The following MYO1A variants were observed in gnomAD, a reference collection of about 807,000 sequenced individuals.
MYO1A encodes unconventional myosin-Ia.
In MYO1A, 127 loss-of-function variants were observed where a neutral mutation model predicts 138.5. That is an observed-to-expected ratio of 0.92 (90% confidence interval 0.79 to 1.06). The LOEUF is 1.06. Among genes scored for constraint, MYO1A ranks in the 50% least tolerant of loss-of-function variants. The pLI, the probability that MYO1A is intolerant of heterozygous loss-of-function variation, is 0.00. For synonymous variants in MYO1A, 477 were observed against 497.5 expected, an observed-to-expected ratio of 0.96 and a Z score of 0.55; for missense variants, 1,211 against 1,288.8, an observed-to-expected ratio of 0.94 and a Z score of 0.92.
intron 14 of MYO1A, 54 bp downstream of exon 14, chr12:57,041,130 T>C: frequency 7.5e-7 from 1 of 1,331,314 alleles, no homozygotes; most frequent in Non-Finnish European, 1.1e-6. Flanking sequence ...AAGGAAGCTC[T>C]GGCATATGCC....
At position 57,048,032 on chromosome 12, in the gene MYO1A, C is replaced by A; in HGVS notation, c.187G>T (p.Ala63Ser). Reference protein sequence around the residue: ...QLPIYGPEFIAKYQDYTFYEL... With the variant: ...QLPIYGPEFISKYQDYTFYEL... ...TAGAAAGTATAGTCTTGATATTTGG[C>A]AATGAACTCTGGCCCATAGATGGGA... Residue 63 changes from alanine (A) to serine (S), a missense_variant, in exon 3 of 28, where the codon GCC (alanine) becomes TCC (serine). Transcript: ENST00000300119. 3 of 1,614,144 alleles carry A rather than the reference C, an allele frequency of 1.9e-6. No individual in the cohort carries two copies. The highest frequency in any genetic ancestry group is 2.5e-6 in the Non-Finnish European group (3 of 1,180,006).
At chr12:57,042,885 G>T (rs568393956) in intron 12 of MYO1A, among the ~76,000 whole-genome samples, 187 bp downstream of exon 12, 1 of 152,258 alleles carries the variant, frequency 6.6e-6, no homozygotes, top group South Asian at 2.1e-4. Flanking sequence ...GTAAGTAGAT[G>T]ATATATCCAG....
rs372726839 is a variant in MYO1A, at chr12:57,037,109, G to T, written c.2056-18C>A. 1.2e-6 allele frequency: 2 copies of T among 1,613,720 alleles called. No homozygotes were observed. Among genetic ancestry groups the T allele is most frequent in the Non-Finnish European group, 8.5e-7 (1 of 1,179,980 alleles). On this transcript the variant is annotated intron_variant, in intron 19 of 27. Transcript: ENST00000300119. ...TAGAAAAGCTGTGGAGAGGTGGAAG[G>T]GGGTGACAGAGAGACTGGCTCAGGG...
chr12:57,036,645 A>G (rs574437922), intron 21 of MYO1A, 127 bp downstream of exon 21: 900 of 1,198,172 alleles, frequency 7.5e-4, no homozygotes, highest in South Asian at 1.5e-3. Flanking sequence ...CCACCCACAC[A>G]TGGACCGGCT....
At chr12:57,034,294 A>G (rs916742395) in intron 22 of MYO1A, among the ~76,000 whole-genome samples, 7 of 152,212 alleles carry the variant, frequency 4.6e-5, no homozygotes, top group Non-Finnish European at 7.3e-5. Flanking sequence ...AAAATGGGAG[A>G]AAGAAAAGAG....
chr12:57,031,047 T>C lies in MYO1A; in HGVS notation c.2477A>G (p.Gln826Arg). Residue 826 changes from glutamine (Q) to arginine (R), a missense_variant, in exon 23 of 28, where the codon CAG (glutamine) becomes CGG (arginine). By Grantham distance (43) the Gln-to-Arg change is conservative (BLOSUM62 1). Transcript: ENST00000300119. Reference protein sequence around the residue: ...ANQELQQLFYQWKCKRFRDQL... With the variant: ...ANQELQQLFYRWKCKRFRDQL... ...TGCCTGGGCTCCACTTGCCTTCCAC[T>C]GGTAGAAGAGCTGCTGCAGCTCCTG... The C allele has an allele frequency of 6.2e-7, 1 of 1,613,836 alleles. No homozygotes were observed. The highest frequency in any genetic ancestry group is 8.5e-7 in the Non-Finnish European group (1 of 1,179,938).
At chr12:57,044,382 T>A (rs2031002090) in intron 8 of MYO1A, among the ~76,000 whole-genome samples, 173 bp from the exon 9 acceptor site, 1 of 152,184 alleles carries the variant, frequency 6.6e-6, no homozygotes, top group Non-Finnish European at 1.5e-5. Flanking sequence ...ATTCCTGTGA[T>A]GATAGACTAA....
intron 23 of MYO1A, among the ~76,000 whole-genome samples, chr12:57,030,570 G>A (rs372453372): frequency 1.3e-3 from 199 of 152,248 alleles, no homozygotes; most frequent in African/African-American, 4.6e-3. Context: ...AGCTCTCAGG[G>A]CAAGGCTTAG....
intron 22 of MYO1A, among the ~76,000 whole-genome samples, chr12:57,033,510 C>T (rs2136438089): frequency 6.6e-6 from 1 of 152,284 alleles, no homozygotes; most frequent in East Asian, 1.9e-4. Context: ...GTATGAGCCA[C>T]CACACCCACC....
chr12:57,043,277 G>A lies in MYO1A; in HGVS notation c.974C>T (p.Ala325Val). Residue 325 changes from alanine (A) to valine (V), a missense_variant, in exon 11 of 28, where the codon GCC becomes GTC. By Grantham distance (64) the Ala-to-Val change is moderately conservative. Transcript: ENST00000300119. Reference protein sequence around the residue: ...RALCSRTMETAKEKVVTALNV... With the variant: ...RALCSRTMETVKEKVVTALNV... ...CAGTGCAGTGACCACCTTTTCCTTG[G>A]CTGTTTCCATGGTCCTCGAGCACAA... is the stretch of plus-strand genomic sequence containing the variant. The A allele has an allele frequency of 6.2e-7, 1 of 1,614,140 alleles. No homozygotes were observed. Among genetic ancestry groups the A allele is most frequent in the Non-Finnish European group, 8.5e-7 (1 of 1,180,016 alleles).
intron 19 of MYO1A, 84 bp downstream of exon 19, chr12:57,037,464 C>T (rs957968164): frequency 9.2e-6 from 11 of 1,198,762 alleles, no homozygotes; most frequent in Non-Finnish European, 1.4e-5. Context: ...CCAGGTTATA[C>T]ACGCTCCCTC....
chr12:57,028,792 T>G lies in MYO1A; in HGVS notation c.3095A>C (p.Lys1032Thr), dbSNP rs77915386. The G allele has an allele frequency of 8.3e-4, 1,339 of 1,614,070 alleles. 16 individuals carry two copies. In the African/African-American group the frequency reaches 0.016, roughly 19 times the overall value. ...GGDNSKLRYKKKGSHCLEVTV... is the reference protein window; with the variant it reads ...GGDNSKLRYKTKGSHCLEVTV... ...CACCTCCAAGCAATGACTCCCCTTT[T>G]TTTTGTAGCGTAGCTTGCTGTTGTC... The change falls in exon 28 of 28, where the codon AAA becomes ACA. Residue 1032 changes from lysine (K) to threonine (T), a missense_variant. Coordinates refer to ENST00000300119, the MANE Select transcript of MYO1A (RefSeq NM_005379.4).
chr12:57,049,003 G>T (rs1037658445), intron 1 of MYO1A, among the ~76,000 whole-genome samples: 4 of 152,258 alleles, frequency 2.6e-5, no homozygotes, highest in African/African-American at 9.6e-5. Context: ...AAATGAAAGT[G>T]GGGTTTGCTT....
At chr12:57,029,051 C>T (rs1014853296) in intron 27 of MYO1A, 81 bp downstream of exon 27, 17 of 1,612,556 alleles carry the variant, frequency 1.1e-5, no homozygotes, top group East Asian at 4.5e-5. Flanking sequence ...CTACATGCTT[C>T]GCTTTCTGAT....
Position 57,046,941 on chromosome 12 carries a change from CAG to C in MYO1A, c.478-17_478-16del, listed in dbSNP as rs140243106. ...ATGTATTTTCCCTTCAGAGAGAGAC[CAG>C]AGAGAGAGACTTAGCTTCTTCCTCT... On this transcript the variant is annotated splice_polypyrimidine_tract_variant and intron_variant, in intron 6 of 27. Coordinates refer to ENST00000300119, the MANE Select transcript of MYO1A (RefSeq NM_005379.4). The C allele has an allele frequency of 8.6e-4, 1,384 of 1,613,656 alleles. 9 individuals carry two copies. The highest frequency in any genetic ancestry group is 7.7e-3 in the African/African-American group (579 of 74,990).
chr12:57,036,666 G>C (rs2030562840), intron 21 of MYO1A, 106 bp downstream of exon 21: 2 of 1,348,624 alleles, frequency 1.5e-6, no homozygotes, highest in Non-Finnish European at 2.1e-6. Flanking sequence ...GATACACAGA[G>C]GTGCGGCCTG....
At chr12:57,040,723 C>T (rs2136449560) in intron 14 of MYO1A, among the ~76,000 whole-genome samples, 1 of 152,274 alleles carries the variant, frequency 6.6e-6, no homozygotes, top group East Asian at 1.9e-4. Context: ...TTTTCTAACA[C>T]TTAGCCATAG....
chr12:57,036,488 G>C (rs2030552987), intron 21 of MYO1A, 107 bp from the exon 22 acceptor site: 1 of 1,170,558 alleles, frequency 8.5e-7, no homozygotes, highest in South Asian at 1.2e-5. Context: ...AAAGAGCTGA[G>C]ACTGTAGCTG....
At chr12:57,037,144 T>C in intron 19 of MYO1A, 53 bp from the exon 20 acceptor site, 2 of 1,607,044 alleles carry the variant, frequency 1.2e-6, no homozygotes, top group South Asian at 1.1e-5. Context: ...GGAACAGTGC[T>C]GTCCTCTCCT....
Sources: gnomAD v4.1 joint callset for allele counts (sites outside exome capture counted in the v4.1 genomes callset) on GRCh38, gnomAD v4.1.1 for gene constraint, MANE v1.5 for transcripts, NCBI Gene and HGNC (gene_info 2026-07-23, HGNC 2026-07-21) for gene names.